The following MYOM3 variants were observed in gnomAD, a reference collection of about 807,000 sequenced individuals.
MYOM3 encodes the protein myomesin 3, also known as myomesin-3.
Under a neutral mutation model 191.7 loss-of-function variants are expected in MYOM3, and 155 were observed. The ratio of observed to expected loss-of-function variants is 0.81; its 90% CI spans 0.71 to 0.92. The LOEUF (loss-of-function observed/expected upper bound fraction) is 0.92. Ranked by LOEUF, MYOM3 falls within the 40% of genes least tolerant of loss-of-function variation. The probability of loss-of-function intolerance (pLI) is 0.00; values close to 1 mark genes in which losing one functional copy is unlikely to be tolerated. For synonymous variants in MYOM3, 757 were observed against 762.9 expected, an observed-to-expected ratio of 0.99 and a Z score of 0.13; for missense variants, 1,889 against 1,890.6, an observed-to-expected ratio of 1.00 and a Z score of 0.02.
chr1:24,093,628 G>C (rs943464273), intron 9 of MYOM3, among the ~76,000 whole-genome samples: 2 of 152,064 alleles, frequency 1.3e-5, no homozygotes, highest in African/African-American at 4.8e-5. Context: ...GGACTCAGAA[G>C]TGGAGTCCAG....
rs1008490394 is a variant in MYOM3, at chr1:24,061,818, C to CAGAGCTCAAG, written c.3934+118_3934+127dup. On this transcript the variant is annotated intron_variant, in intron 33 of 36. Coordinates refer to ENST00000374434, the MANE Select transcript of MYOM3 (RefSeq NM_152372.4). The stretch of plus-strand genomic sequence containing the variant: ...TGTTGCCCAGACTGGTCTCAAACTC[C>CAGAGCTCAAG]AGAGCTCAAGCGATCCTCCCACTTC... 3.0e-6 allele frequency: 3 copies of CAGAGCTCAAG among 1,010,486 alleles called. No individual in the cohort carries two copies. The African/African-American group carries it at 4.8e-5, about 16-fold the overall frequency. The allele number at this position is 1,010,486 out of a possible 1,614,324, so 62.6% of individuals were successfully genotyped here.
intron 3 of MYOM3, 31 bp downstream of exon 3, chr1:24,107,962 C>T: frequency 6.3e-7 from 1 of 1,599,132 alleles, no homozygotes; most frequent in Non-Finnish European, 8.5e-7. Flanking sequence ...CCTCCTCAGC[C>T]ACGGCTCCCT....
At chr1:24,095,322 A>ACCCCGGTGGACGT in intron 8 of MYOM3, 120 bp downstream of exon 8, 1 of 1,005,822 alleles carries the variant, frequency 9.9e-7, no homozygotes, top group Non-Finnish European at 1.5e-6. Context: ...TCATAGACAA[A>ACCCCGGTGGACGT]CCCCGGTGGA....
chr1:24,104,348 A>G (rs1643964259), intron 5 of MYOM3, among the ~76,000 whole-genome samples: 1 of 152,216 alleles, frequency 6.6e-6, no homozygotes, highest in African/African-American at 2.4e-5. Context: ...GGGCTGAGGT[A>G]GCTCCTTCTT....
intron 29 of MYOM3, 75 bp from the exon 30 acceptor site, chr1:24,064,234 T>C (rs1326000386): frequency 3.6e-5 from 44 of 1,209,782 alleles, no homozygotes; most frequent in Non-Finnish European, 4.7e-5. Context: ...TCCGGAGGCC[T>C]GGGCTCCAGG....
chr1:24,092,323 C>A lies in MYOM3; in HGVS notation c.1091-8G>T. ...GGTTCTCGGCCTCGGCATCTGAAAC[C>A]CGGGGGTGAGAGGGAGGCCCTTCTA... On this transcript the variant is annotated splice_region_variant and splice_polypyrimidine_tract_variant and intron_variant, in intron 10 of 36. Coordinates refer to ENST00000374434, the MANE Select transcript of MYOM3 (RefSeq NM_152372.4). 7.4e-7 allele frequency: 1 copy of A among 1,349,134 alleles called. No individual in the cohort carries two copies. Among genetic ancestry groups the A allele is most frequent in the Non-Finnish European group, 9.6e-7 (1 of 1,041,304 alleles). 83.6% of individuals were successfully genotyped at this position (1,349,134 alleles called of 1,614,324 possible).
intron 16 of MYOM3, 113 bp downstream of exon 16, chr1:24,084,355 G>A: frequency 8.3e-7 from 1 of 1,204,322 alleles, no homozygotes; most frequent in Non-Finnish European, 1.2e-6. Context: ...GCCTGTATAG[G>A]TCGCAGAACT....
In MYOM3 at chr1:24,071,972, G is replaced by A. The variant is rs1324199732; in HGVS notation, c.3010C>T (p.Pro1004Ser). ...GTAGCTTGGACTGCTTGCTTACCTG[G>A]GTTTCTGATCTCATGACTCAGCTTC... ...LKKLSHEIRNPVIKLISGWNI... is the reference protein window; with the variant it reads ...LKKLSHEIRNSVIKLISGWNI... The change falls in exon 24 of 37, where the codon CCA becomes TCA. Residue 1004 changes from proline to serine, a missense_variant. Physicochemically the swap from Pro to Ser is moderately conservative, Grantham distance 74. Coordinates refer to ENST00000374434, the MANE Select transcript of MYOM3 (RefSeq NM_152372.4). 1 of 1,614,054 alleles carries A rather than the reference G, an allele frequency of 6.2e-7. No individual in the cohort carries two copies. The highest frequency in any genetic ancestry group is 2.2e-5 in the East Asian group (1 of 44,870).
At chr1:24,071,866 T>C in intron 24 of MYOM3, 103 bp downstream of exon 24, 1 of 1,191,462 alleles carries the variant, frequency 8.4e-7, no homozygotes, top group East Asian at 2.3e-5. Context: ...TCTGTCCCTC[T>C]GGGGTTGTTT....
intron 4 of MYOM3, 48 bp downstream of exon 4, chr1:24,107,025 G>A (rs1463056768): frequency 2.6e-6 from 4 of 1,534,844 alleles, no homozygotes; most frequent in African/African-American, 1.4e-5. Flanking sequence ...GCAGCAAGTG[G>A]TGCGTCGCAG....
At chr1:24,099,797 T>A in intron 5 of MYOM3, 22 bp from the exon 6 acceptor site, 1 of 1,594,214 alleles carries the variant, frequency 6.3e-7, no homozygotes, top group Non-Finnish European at 8.6e-7. Context: ...TAGCGGTCTG[T>A]GGCAGGCAGG....
chr1:24,095,595 GC>G (rs1643874716), intron 7 of MYOM3, 109 bp from the exon 8 acceptor site: 2 of 911,044 alleles, frequency 2.2e-6, no homozygotes, highest in African/African-American at 1.7e-5. Flanking sequence ...TCTGTTGGTG[GC>G]TTCCCCTTGT....
intron 8 of MYOM3, 80 bp downstream of exon 8, chr1:24,095,362 T>C: frequency 3.6e-6 from 5 of 1,382,454 alleles, no homozygotes; most frequent in Non-Finnish European, 5.1e-6. Context: ...GATGGCTATA[T>C]TCTAAACAGG....
chr1:24,067,870 G>T, intron 27 of MYOM3, 100 bp downstream of exon 27: 1 of 1,175,924 alleles, frequency 8.5e-7, no homozygotes, highest in Non-Finnish European at 1.3e-6. Context: ...GACCTCCCTT[G>T]GGGACCCAGC....
At chr1:24,108,227 T>TC (rs11447181) in intron 2 of MYOM3, 154 bp from the exon 3 acceptor site, 253,366 of 751,294 alleles carry the variant, frequency 0.34, 46,187 homozygotes, top group Admixed American at 0.4. Context: ...CAAGGCTGCA[T>TC]CCCCCCGACC....
chr1:24,103,299 CCCA>C (rs1643954076), intron 5 of MYOM3, among the ~76,000 whole-genome samples: 2 of 152,296 alleles, frequency 1.3e-5, no homozygotes, highest in South Asian at 4.1e-4. Flanking sequence ...TCGCCCAGTC[CCCA>C]CAGCATCCCA....
rs764145548 is a variant in MYOM3, at chr1:24,064,060, G to A, written c.3622+12C>T. On this transcript the variant is annotated intron_variant, in intron 30 of 36. Coordinates refer to ENST00000374434, the MANE Select transcript of MYOM3 (RefSeq NM_152372.4). ...CTCCCTCCACAGCCCCTGACCCATC[G>A]CCAGCTCCTACCGTCACCCGTGAGG... 3.7e-6 allele frequency: 6 copies of A among 1,609,662 alleles called. No individual in the cohort carries two copies. The highest frequency in any genetic ancestry group is 3.3e-5 in the Admixed American group (2 of 59,918).
At chr1:24,107,498 C>T (rs954345162) in intron 3 of MYOM3, among the ~76,000 whole-genome samples, 1 of 152,178 alleles carries the variant, frequency 6.6e-6, no homozygotes, top group Non-Finnish European at 1.5e-5. Flanking sequence ...AGTGGCCAGG[C>T]CTTAGTGTCC....
rs1187049293 is a variant in MYOM3 at position 24,066,997 on chromosome 1, GGGGCA to G, written c.3423+19_3423+23del. On this transcript the variant is annotated intron_variant, in intron 28 of 36. Transcript: ENST00000374434. Reference sequence around the variant, plus strand: ...CACAGGTCCCCCTGCACTGGGCCTGGGGGCAGGGCAGGGCAGGACTTGCCTTGCAC... The same window carrying G: ...CACAGGTCCCCCTGCACTGGGCCTGGGGGCAGGGCAGGACTTGCCTTGCAC... 8.4e-6 allele frequency: 13 copies of G among 1,555,838 alleles called. No individual in the cohort carries two copies. Among genetic ancestry groups the G allele is most frequent in the East Asian group, 2.4e-5 (1 of 41,444 alleles).
Sources: allele counts gnomAD v4.1 joint callset (sites outside exome capture counted in the v4.1 genomes callset), GRCh38; gene constraint gnomAD v4.1.1; transcripts MANE v1.5; gene names NCBI Gene and HGNC (gene_info 2026-07-23, HGNC 2026-07-21).